CSNK1D: variants seen among roughly 807,000 people sequenced by gnomAD.
The protein encoded by CSNK1D is casein kinase 1 delta.
Under a neutral mutation model 46.6 loss-of-function variants are expected in CSNK1D, and 16 were observed. The ratio of observed to expected loss-of-function variants is 0.34; its 90% CI spans 0.23 to 0.52. CSNK1D has a LOEUF of 0.52. Among genes scored for constraint, CSNK1D ranks in the 20% least tolerant of loss-of-function variants. The pLI, the probability that CSNK1D is intolerant of heterozygous loss-of-function variation, is 0.95. For synonymous variants in CSNK1D, 276 were observed against 228.2 expected, an observed-to-expected ratio of 1.21 and a Z score of -1.89; for missense variants, 398 against 578.4, an observed-to-expected ratio of 0.69 and a Z score of 3.20.
Position 82,244,126 on chromosome 17 carries a change from CACCACACA to C in CSNK1D, c.*647_*654del. ...CGCCAAAATCAGGTTGAAGAGGTCC[CACCACACA>C]CGGGCACACACACACACCACGGACT... On this transcript the variant is annotated 3_prime_UTR_variant, in exon 9 of 9. Coordinates refer to ENST00000314028, the MANE Select transcript of CSNK1D (RefSeq NM_001893.6). 1 of 993,466 alleles carries C rather than the reference CACCACACA, an allele frequency of 1.0e-6. No homozygotes were observed. Among genetic ancestry groups the C allele is most frequent in the Non-Finnish European group, 1.2e-6 (1 of 834,278 alleles). 61.5% of individuals were successfully genotyped at this position (993,466 alleles called of 1,614,324 possible). A position where few individuals can be genotyped will look rare whatever the true frequency, so the allele number is the denominator to read the frequency against.
At chr17:82,254,538 GT>G (rs2051113429) in intron 3 of CSNK1D, 2 of 165,014 alleles carry the variant, frequency 1.2e-5, no homozygotes, top group Admixed American at 1.7e-4. Context: ...CCAGAAGCCA[GT>G]CAGCTGAGCC....
chr17:82,254,938 G>A (rs1157774389), intron 3 of CSNK1D, among the ~76,000 whole-genome samples: 2 of 143,334 alleles, frequency 1.4e-5, no homozygotes, highest in Non-Finnish European at 3.0e-5. Context: ...CTGAGCCATC[G>A]GAGCCTCGAC....
Position 82,251,711 on chromosome 17 carries a change from C to A in CSNK1D, c.737-184G>T, listed in dbSNP as rs1171181002. The A allele has an allele frequency of 1.1e-5, 8 of 712,036 alleles. No homozygotes were observed. Among genetic ancestry groups the A allele is most frequent in the Non-Finnish European group, 2.0e-5 (8 of 407,566 alleles). 44.1% of individuals were successfully genotyped at this position (712,036 alleles called of 1,614,324 possible). Reference sequence around the variant, plus strand: ...GCATCGAAAAGTATTCAAGTCACGGCCGGGTGCGGCGGCTCACGCCTGTCA... The same window carrying A: ...GCATCGAAAAGTATTCAAGTCACGGACGGGTGCGGCGGCTCACGCCTGTCA... On this transcript the variant is annotated intron_variant, in intron 5 of 8. Coordinates refer to ENST00000314028, the MANE Select transcript of CSNK1D (RefSeq NM_001893.6). This position sits in a 1 kb window ranked among gnomAD's most constrained non-coding sequence, Gnocchi z 4.5.
downstream of CSNK1D, among the ~76,000 whole-genome samples, chr17:82,241,730 C>T (rs1461957112): frequency 6.6e-6 from 1 of 152,224 alleles, no homozygotes; most frequent in Non-Finnish European, 1.5e-5. Context: ...ACAGGGAAGG[C>T]CCGGAAGCCA....
chr17:82,246,927 C>A, intron 8 of CSNK1D: 1 of 985,526 alleles, frequency 1.0e-6, no homozygotes, highest in Non-Finnish European at 1.2e-6. Flanking sequence ...CCTGTATTCC[C>A]CCTTGGGATT....
At position 82,242,903 on chromosome 17, in the gene CSNK1D, C is replaced by A. The variant is rs1240039565; in HGVS notation, c.*1878G>T. On this transcript the variant is annotated 3_prime_UTR_variant, in exon 9 of 9. Coordinates refer to ENST00000314028, the MANE Select transcript of CSNK1D (RefSeq NM_001893.6). Reference sequence around the variant, plus strand: ...GGAACCCGGGCGCAGAGCTGCCTCGCACAAACGTTCTGGGCACTACATCGG... The same window carrying A: ...GGAACCCGGGCGCAGAGCTGCCTCGAACAAACGTTCTGGGCACTACATCGG... 1 of 985,340 alleles carries A rather than the reference C, an allele frequency of 1.0e-6. No homozygotes were observed. Among genetic ancestry groups the A allele is most frequent in the Non-Finnish European group, 1.2e-6 (1 of 829,938 alleles). The allele number at this position is 985,340 out of a possible 1,614,324, so 61.0% of individuals were successfully genotyped here. A position where few individuals can be genotyped will look rare whatever the true frequency, so the allele number is the denominator to read the frequency against.
At chr17:82,239,026 AC>A, downstream of CSNK1D, 5 of 1,475,522 alleles carry the variant, frequency 3.4e-6, no homozygotes, top group Non-Finnish European at 4.5e-6. Flanking sequence ...GAAGCCGGCA[AC>A]GCTTGCTATT....
chr17:82,239,104 G>C (rs758976424), downstream of CSNK1D: 1 of 898,812 alleles, frequency 1.1e-6, no homozygotes, highest in Non-Finnish European at 1.6e-6. Context: ...CCAGCGGATC[G>C]TCGCCCGATC....
Position 82,244,236 on chromosome 17 carries a change from C to T in CSNK1D, c.*545G>A, listed in dbSNP as rs2050793797. ...ACACAGCACACACCCTTGAGATCCA[C>T]CTGCACCTTCTCCCTGCCCGACTCC... On this transcript the variant is annotated 3_prime_UTR_variant, in exon 9 of 9. Transcript: ENST00000314028. The T allele has an allele frequency of 9.3e-7, 1 of 1,080,348 alleles. No homozygotes were observed. Among genetic ancestry groups the T allele is most frequent in the Admixed American group, 4.8e-5 (1 of 20,864 alleles). The allele number at this position is 1,080,348 out of a possible 1,614,324, so 66.9% of individuals were successfully genotyped here.
chr17:82,265,477 C>A, intron 2 of CSNK1D: 1 of 581,826 alleles, frequency 1.7e-6, no homozygotes, highest in East Asian at 3.1e-5. Flanking sequence ...CCATGCCCGG[C>A]CCATAAGATG....
downstream of CSNK1D, chr17:82,239,880 G>C (rs2050716346): frequency 1.4e-6 from 1 of 693,986 alleles, no homozygotes; most frequent in Non-Finnish European, 2.0e-6. Context: ...GCCCGGCCCA[G>C]CGCTTGGGCT....
chr17:82,250,112 C>T lies in CSNK1D; in HGVS notation c.886-510G>A. 1 of 1,290,726 alleles carries T rather than the reference C, an allele frequency of 7.7e-7. No individual in the cohort carries two copies. The highest frequency in any genetic ancestry group is 1.0e-6 in the Non-Finnish European group (1 of 989,626). The allele number at this position is 1,290,726 out of a possible 1,614,324, so 80.0% of individuals were successfully genotyped here. On this transcript the variant is annotated intron_variant, in intron 6 of 8. Coordinates refer to ENST00000314028, the MANE Select transcript of CSNK1D (RefSeq NM_001893.6). This position sits in a 1 kb window ranked among gnomAD's most constrained non-coding sequence, Gnocchi z 4.6. ...TGGTGGCGTGGCCAGCAGCCGGCAG[C>T]CGGATCTGTGCTGCACTATCCAGAT...
At position 82,273,082 on chromosome 17, in the gene CSNK1D, T is replaced by A; in HGVS notation, c.76+224A>T. On this transcript the variant is annotated intron_variant, in intron 1 of 8. Transcript: ENST00000314028. This position sits in a 1 kb window ranked among gnomAD's most constrained non-coding sequence, Gnocchi z 5.1. ...CAACCCTCCCCTCTCCAGACCCTGC[T>A]CCCCCGACCTGGTCCTGCCCCTCCC... The A allele has an allele frequency of 2.1e-5, 4 of 186,490 alleles. No individual in the cohort carries two copies. The highest frequency in any genetic ancestry group is 4.0e-5 in the Non-Finnish European group (4 of 99,684). 11.6% of individuals were successfully genotyped at this position (186,490 alleles called of 1,614,324 possible). A position where few individuals can be genotyped will look rare whatever the true frequency, so the allele number is the denominator to read the frequency against.
At position 82,249,586 on chromosome 17, in the gene CSNK1D, G is replaced by A. The variant is rs1220311287; in HGVS notation, c.902C>T (p.Ala301Val). The A allele has an allele frequency of 1.3e-6, 2 of 1,559,588 alleles. No individual in the cohort carries two copies. The highest frequency in any genetic ancestry group is 1.7e-6 in the Non-Finnish European group (2 of 1,156,716). The change falls in exon 7 of 9, where the codon GCC (alanine) becomes GTC (valine). Residue 301 changes from alanine to valine, a missense_variant. Around this residue, in one of 2 missense-constraint regions of CSNK1D, gnomAD observed 181 missense variants for 208.0 expected, o/e 0.87. Transcript: ENST00000314028. The surrounding 1 kb of genome is among the most constrained non-coding windows in gnomAD (Gnocchi z 6.7). ...NMLKFGASRAADDAERERRDR... is the reference protein window; with the variant it reads ...NMLKFGASRAVDDAERERRDR... The stretch of plus-strand genomic sequence containing the variant: ...CCTGCGCTCCCGCTCGGCGTCATCG[G>A]CGGCCCGGCTGGCACCCTGAGGAGG...
At chr17:82,257,116 T>G (rs757602657) in intron 2 of CSNK1D, among the ~76,000 whole-genome samples, 20 of 152,106 alleles carry the variant, frequency 1.3e-4, no homozygotes, top group Non-Finnish European at 2.6e-4. Context: ...GGCGCCACCA[T>G]GCCCAGCTCA....
In CSNK1D at chr17:82,249,502, G is replaced by A. The variant is rs1256166829; in HGVS notation, c.986C>T (p.Thr329Ile). ...RNPATRGLPS[T>I]ASGRLRGTQE... ...CGTCCCCCGCAGGCGGCCGGAGGCT[G>A]TGGAAGGGAGGCCGCGGGTAGCCGG... Residue 329 changes from threonine (T) to isoleucine (I), a missense_variant, in exon 7 of 9, where the codon ACA (threonine) becomes ATA (isoleucine). By Grantham distance (89) the Thr-to-Ile change is moderately conservative. Coordinates refer to ENST00000314028, the MANE Select transcript of CSNK1D (RefSeq NM_001893.6). This position sits in a 1 kb window ranked among gnomAD's most constrained non-coding sequence, Gnocchi z 6.7. The A allele has an allele frequency of 6.5e-7, 1 of 1,544,208 alleles. No homozygotes were observed. The highest frequency in any genetic ancestry group is 1.9e-4 in the Middle Eastern group (1 of 5,144).
chr17:82,268,753 T>C (rs1049029662), intron 1 of CSNK1D, among the ~76,000 whole-genome samples: 3 of 152,154 alleles, frequency 2.0e-5, no homozygotes, highest in African/African-American at 7.2e-5. Flanking sequence ...TATCAGTTAA[T>C]GTTAGTCCTA....
Position 82,244,068 on chromosome 17 carries a change from G to C in CSNK1D, c.*713C>G. 1.0e-6 allele frequency: 1 copy of C among 990,158 alleles called. No individual in the cohort carries two copies. Among genetic ancestry groups the C allele is most frequent in the Non-Finnish European group, 1.2e-6 (1 of 832,642 alleles). 61.3% of individuals were successfully genotyped at this position (990,158 alleles called of 1,614,324 possible). A position where few individuals can be genotyped will look rare whatever the true frequency, so the allele number is the denominator to read the frequency against. The stretch of plus-strand genomic sequence containing the variant: ...AGGGCCTCAAGAGTTCCTGACAGCA[G>C]GCATGTCAATTACGGGAGGAGGGAG... On this transcript the variant is annotated 3_prime_UTR_variant, in exon 9 of 9. Transcript: ENST00000314028.
intron 3 of CSNK1D, chr17:82,253,861 C>T (rs778026212): frequency 1.6e-5 from 4 of 247,988 alleles, no homozygotes. Context: ...AGCCAGTCAG[C>T]TGAGCCGCCG....
Sources: gnomAD v4.1 joint callset for allele counts (sites outside exome capture counted in the v4.1 genomes callset) on GRCh38, gnomAD v4.1.1 for gene constraint, gnomAD v4.1.1 regional missense constraint, Gnocchi (gnomAD v3.1) non-coding constraint, MANE v1.5 for transcripts, NCBI Gene and HGNC (gene_info 2026-07-23, HGNC 2026-07-21) for gene names.